The following RIMBP2 variants were observed in gnomAD, a reference collection of about 807,000 sequenced individuals.
RIMBP2 encodes RIMS binding protein 2.
A neutral mutation model predicts 118.6 loss-of-function variants in RIMBP2; 48 were observed. That is an observed-to-expected ratio of 0.40 (90% CI 0.32 to 0.51). The LOEUF is 0.51. Among genes scored for constraint, RIMBP2 ranks in the 20% least tolerant of loss-of-function variants. The pLI is 0.41. For missense variants in RIMBP2, 1,551 were observed against 1,768.3 expected (o/e 0.88, Z 2.20); for synonymous variants, 762 against 742.9 (o/e 1.03, Z -0.42).
At chr12:130,444,482 C>T (rs371739136) in intron 10 of RIMBP2, among the ~76,000 whole-genome samples, 15 of 152,188 alleles carry the variant, frequency 9.9e-5, no homozygotes, top group African/African-American at 3.6e-4. Flanking sequence ...GAAACCAAGA[C>T]CACGCTATTT....
At chr12:130,692,331 C>T (rs1416257546) in intron 1 of RIMBP2, among the ~76,000 whole-genome samples, 2 of 152,188 alleles carry the variant, frequency 1.3e-5, no homozygotes, top group Admixed American at 1.3e-4. Flanking sequence ...ATCCTCTCCC[C>T]TACCCCTTCC....
chr12:130,478,956 C>A lies in RIMBP2; in HGVS notation c.58G>T (p.Ala20Ser), dbSNP rs780708215. 4.3e-6 allele frequency: 7 copies of A among 1,613,798 alleles called. No homozygotes were observed. Among genetic ancestry groups the A allele is most frequent in the Non-Finnish European group, 5.9e-6 (7 of 1,179,960 alleles). ...QLQLEHDQAL[A>S]VLSAKQQEID... ...TCCTGCTGCTTGGCACTGAGAACAG[C>A]CAGGGCCTGGTCATGCTCCAACTGC... Residue 20 changes from alanine to serine, a missense_variant, in exon 5 of 23, where the codon GCT becomes TCT. Coordinates refer to ENST00000690449, the MANE Select transcript of RIMBP2 (RefSeq NM_001393629.1).
intron 5 of RIMBP2, among the ~76,000 whole-genome samples, chr12:130,472,785 G>C (rs1239450528): frequency 6.6e-6 from 1 of 152,138 alleles, no homozygotes; most frequent in Admixed American, 6.6e-5. Context: ...GGTTTCTGTA[G>C]AGTTCATTCA....
chr12:130,412,584 T>A, intron 19 of RIMBP2, 35 bp downstream of exon 19: 1 of 1,589,438 alleles, frequency 6.3e-7, no homozygotes, highest in Non-Finnish European at 8.6e-7. Flanking sequence ...TGGGATAAAA[T>A]GCACAGGGAA....
intron 4 of RIMBP2, among the ~76,000 whole-genome samples, chr12:130,486,842 C>A (rs893402647): frequency 1.3e-5 from 2 of 150,884 alleles, no homozygotes; most frequent in Admixed American, 1.3e-4. Flanking sequence ...GGCAGAAGAG[C>A]CCTTTCTGCC....
At chr12:130,548,473 GATCT>G (rs968948784) in intron 2 of RIMBP2, among the ~76,000 whole-genome samples, 68 of 152,230 alleles carry the variant, frequency 4.5e-4, no homozygotes, top group African/African-American at 1.4e-3. Flanking sequence ...GTTTTCACGT[GATCT>G]ATCATGCCCA....
At chr12:130,451,072 G>T in intron 8 of RIMBP2, 123 bp downstream of exon 8, 1 of 1,194,246 alleles carries the variant, frequency 8.4e-7, no homozygotes, top group Non-Finnish European at 1.2e-6. Context: ...GCAAAGGGAA[G>T]AACCAACCAG....
intron 5 of RIMBP2, among the ~76,000 whole-genome samples, chr12:130,477,348 A>T (rs1470346194): frequency 7.2e-6 from 1 of 138,608 alleles, no homozygotes; most frequent in Admixed American, 6.9e-5. Context: ...GTGTTTCTAC[A>T]GACTTATATC....
intron 1 of RIMBP2, among the ~76,000 whole-genome samples, chr12:130,655,823 G>A (rs987310747): frequency 6.6e-6 from 1 of 152,230 alleles, no homozygotes; most frequent in African/African-American, 2.4e-5. Context: ...AGGGAGGGAC[G>A]TTGGCTTCAG....
At chr12:130,432,202 T>C (rs1045822557) in intron 14 of RIMBP2, 1 of 456,374 alleles carries the variant, frequency 2.2e-6, no homozygotes, top group South Asian at 1.5e-5. Context: ...ACGTGGCACA[T>C]GGGGAAAGGC....
chr12:130,467,813 A>G (rs1333413456), intron 6 of RIMBP2, among the ~76,000 whole-genome samples: 1 of 152,204 alleles, frequency 6.6e-6, no homozygotes. Flanking sequence ...CTGTACCCAG[A>G]CAGCCTTGGG....
intron 1 of RIMBP2, among the ~76,000 whole-genome samples, chr12:130,646,329 G>C (rs61936800): frequency 0.56 from 1,449 of 2,598 alleles, 340 homozygotes; most frequent in East Asian, 0.72. Flanking sequence ...CTCTCCACCT[G>C]CCTCACCACC....
At chr12:130,557,455 G>A (rs1460643989) in intron 2 of RIMBP2, among the ~76,000 whole-genome samples, 4 of 152,188 alleles carry the variant, frequency 2.6e-5, no homozygotes, top group Non-Finnish European at 4.4e-5. Context: ...CCTTGGAGGC[G>A]GGTCCCACCC....
intron 1 of RIMBP2, among the ~76,000 whole-genome samples, chr12:130,694,182 G>T (rs1039093470): frequency 1.3e-5 from 2 of 152,216 alleles, no homozygotes; most frequent in African/African-American, 4.8e-5. Context: ...CTGCCAAGAG[G>T]CTGCACAAAC....
chr12:130,572,123 G>A (rs1469247013), intron 2 of RIMBP2, among the ~76,000 whole-genome samples: 3 of 152,196 alleles, frequency 2.0e-5, no homozygotes, highest in Admixed American at 6.5e-5. Flanking sequence ...CCCCCAGTGC[G>A]TGAAACAGCA....
chr12:130,708,503 C>G (rs1410889322), intron 1 of RIMBP2, among the ~76,000 whole-genome samples: 1 of 152,024 alleles, frequency 6.6e-6, no homozygotes, highest in African/African-American at 2.4e-5. Flanking sequence ...GCCTGGGCAA[C>G]ATAGCAAGAC....
chr12:130,675,156 A>G (rs550150812), intron 1 of RIMBP2, among the ~76,000 whole-genome samples: 68 of 152,348 alleles, frequency 4.5e-4, no homozygotes, highest in African/African-American at 1.6e-3. Flanking sequence ...GTTGGCCGCC[A>G]GATAGTGGTT....
At chr12:130,472,556 A>G (rs2137920127) in intron 5 of RIMBP2, among the ~76,000 whole-genome samples, 1 of 152,354 alleles carries the variant, frequency 6.6e-6, no homozygotes, top group South Asian at 2.1e-4. Flanking sequence ...TGTGACTTAC[A>G]TTTACAATTC....
chr12:130,542,490 C>T (rs2139576362), intron 2 of RIMBP2, among the ~76,000 whole-genome samples: 1 of 152,292 alleles, frequency 6.6e-6, no homozygotes, highest in East Asian at 1.9e-4. Flanking sequence ...ACACATAATC[C>T]TGCTGCAGAA....
Sources: allele counts gnomAD v4.1 joint callset (sites outside exome capture counted in the v4.1 genomes callset), GRCh38; gene constraint gnomAD v4.1.1; transcripts MANE v1.5; gene names NCBI Gene and HGNC (gene_info 2026-07-23, HGNC 2026-07-21).